SOX5: variants seen among roughly 807,000 people sequenced by gnomAD.
SOX5 encodes the protein SRY-box transcription factor 5.
Under a neutral mutation model 92.0 loss-of-function variants are expected in SOX5, and 9 were observed. That is an observed-to-expected ratio of 0.10 (90% CI 0.06 to 0.17). The LOEUF is 0.17. SOX5 is among the 10% of genes least tolerant of loss of function. The probability of loss-of-function intolerance (pLI) is 1.00; values close to 1 mark genes in which losing one functional copy is unlikely to be tolerated. For missense variants in SOX5, 642 were observed against 944.5 expected (o/e 0.68, Z 4.20); for synonymous variants, 344 against 336.3 (o/e 1.02, Z -0.25).
intron 7 of SOX5, among the ~76,000 whole-genome samples, chr12:23,651,018 A>G (rs1020937705): frequency 1.3e-5 from 2 of 152,046 alleles, no homozygotes; most frequent in African/African-American, 2.4e-5. Flanking sequence ...TAAAAGAAAA[A>G]AGAAAATATG....
In SOX5 at chr12:24,550,841, A is replaced by G. The variant is rs139349098; in HGVS notation, c.-251+11488T>C. On this transcript the variant is annotated intron_variant, in intron 1 of 4. Transcript: ENST00000446891. Reference sequence around the variant, plus strand: ...AATCTCCTTTTATTTCCAAAGCAGTATGCAGGGCTTGAGCCATGAGACACG... The same window carrying G: ...AATCTCCTTTTATTTCCAAAGCAGTGTGCAGGGCTTGAGCCATGAGACACG... Among the ~76,000 whole-genome samples, 14 of 152,346 alleles carry G rather than the reference A, an allele frequency of 9.2e-5. 1 individual carries two copies. The East Asian group carries it at 2.7e-3, about 29-fold the overall frequency.
chr12:24,229,050 A>G (rs1416083663), intron 3 of SOX5, among the ~76,000 whole-genome samples: 1 of 152,192 alleles, frequency 6.6e-6, no homozygotes, highest in African/African-American at 2.4e-5. Context: ...AACAATCCAT[A>G]TCCCCACTTT....
intron 4 of SOX5, among the ~76,000 whole-genome samples, chr12:24,118,203 G>C (rs1212719213): frequency 6.6e-6 from 1 of 152,018 alleles, no homozygotes; most frequent in African/African-American, 2.4e-5. Flanking sequence ...ATGGTGACCA[G>C]TTAGTTATCA....
chr12:24,131,278 T>C (rs1949623266), intron 4 of SOX5, among the ~76,000 whole-genome samples: 2 of 152,238 alleles, frequency 1.3e-5, no homozygotes, highest in South Asian at 4.1e-4. Flanking sequence ...CTCTGAGTTA[T>C]TAACTCTCCT....
At chr12:24,282,340 TA>T (rs1268996653) in intron 2 of SOX5, among the ~76,000 whole-genome samples, 7 of 151,710 alleles carry the variant, frequency 4.6e-5, no homozygotes, top group Non-Finnish European at 7.4e-5. Flanking sequence ...ACATGTACCC[TA>T]AAACTTAAAG....
At chr12:24,068,704 G>GTGTATA (rs1444359956) in intron 4 of SOX5, among the ~76,000 whole-genome samples, 101 of 74,256 alleles carry the variant, frequency 1.4e-3, no homozygotes, top group East Asian at 7.2e-3. Context: ...GTGTGTGTGT[G>GTGTATA]TATATATATA....
chr12:23,981,660 C>T (rs1484273511), intron 4 of SOX5, among the ~76,000 whole-genome samples: 4 of 152,078 alleles, frequency 2.6e-5, no homozygotes, highest in African/African-American at 9.7e-5. Context: ...AGCAAAGAAT[C>T]CTGAAAATAT....
At chr12:23,739,238 G>A (rs1209526274) in intron 5 of SOX5, among the ~76,000 whole-genome samples, 1 of 152,180 alleles carries the variant, frequency 6.6e-6, no homozygotes, top group African/African-American at 2.4e-5. Flanking sequence ...CCATGAAAAA[G>A]AGGGCCATAC....
intron 2 of SOX5, among the ~76,000 whole-genome samples, chr12:24,334,579 T>C (rs1370239504): frequency 6.6e-6 from 1 of 152,212 alleles, no homozygotes; most frequent in African/African-American, 2.4e-5. Flanking sequence ...TATTTTATAC[T>C]GCCAATGGAA....
intron 1 of SOX5, among the ~76,000 whole-genome samples, chr12:24,369,557 C>T (rs934017893): frequency 1.3e-5 from 2 of 152,230 alleles, no homozygotes; most frequent in African/African-American, 4.8e-5. Flanking sequence ...GTGAGGACAA[C>T]AGAAGCTCTG....
chr12:23,745,169 C>T (rs1452758853), intron 4 of SOX5, among the ~76,000 whole-genome samples: 1 of 152,086 alleles, frequency 6.6e-6, no homozygotes, highest in Non-Finnish European at 1.5e-5. Flanking sequence ...ATAAGAATGC[C>T]TTTTACGCAA....
At chr12:23,627,069 C>A (rs1041765553) in intron 8 of SOX5, among the ~76,000 whole-genome samples, 2 of 152,146 alleles carry the variant, frequency 1.3e-5, no homozygotes, top group African/African-American at 4.8e-5. Flanking sequence ...CCTAATTATT[C>A]ATTCTTGCTG....
At chr12:24,251,340 A>G (rs572830400) in intron 3 of SOX5, among the ~76,000 whole-genome samples, 2 of 152,310 alleles carry the variant, frequency 1.3e-5, no homozygotes, top group Non-Finnish European at 2.9e-5. Flanking sequence ...CATTTTACTG[A>G]TAAGATTCAG....
intron 6 of SOX5, among the ~76,000 whole-genome samples, chr12:23,727,724 T>C (rs1459149109): frequency 6.6e-6 from 1 of 152,122 alleles, no homozygotes; most frequent in Admixed American, 6.6e-5. Context: ...TTAAAGTTGA[T>C]AAGTCAGAAA....
At chr12:23,595,537 T>C (rs1336948030) in intron 9 of SOX5, among the ~76,000 whole-genome samples, 1 of 142,894 alleles carries the variant, frequency 7.0e-6, no homozygotes, top group East Asian at 2.0e-4. Flanking sequence ...GAGAATGGTG[T>C]GAACCCGGGA....
intron 1 of SOX5, among the ~76,000 whole-genome samples, chr12:23,934,689 G>T (rs1354838326): frequency 6.6e-6 from 1 of 150,930 alleles, no homozygotes; most frequent in Non-Finnish European, 1.5e-5. Context: ...AGTATTCTTA[G>T]AACTCTTTCT....
In SOX5 at chr12:23,736,332, G is replaced by A. The variant is rs1157920881; in HGVS notation, c.742-1580C>T. Among the ~76,000 whole-genome samples, 6 of 151,830 alleles carry A rather than the reference G, an allele frequency of 4.0e-5. No individual in the cohort carries two copies. The East Asian group carries it at 7.8e-4, about 20-fold the overall frequency. On this transcript the variant is annotated intron_variant, in intron 5 of 14. Coordinates refer to ENST00000451604, the MANE Select transcript of SOX5 (RefSeq NM_006940.6). Reference sequence around the variant, plus strand: ...AAAAAATTAGCCAGGCGTGGTGGCGGGCGCCTGTAGTCCCAGCTACTTGGG... The same window carrying A: ...AAAAAATTAGCCAGGCGTGGTGGCGAGCGCCTGTAGTCCCAGCTACTTGGG...
At chr12:24,039,861 T>C (rs1261927457) in intron 4 of SOX5, among the ~76,000 whole-genome samples, 5 of 152,192 alleles carry the variant, frequency 3.3e-5, no homozygotes, top group African/African-American at 9.7e-5. Context: ...CAAATGCCTA[T>C]TGTGTCCTAC....
rs1595425918 is a variant in SOX5 at position 24,307,518 on chromosome 12, G to GAAGTTAGTTTGTACTT, written c.-173-30207_-173-30206insAAGTACAAACTAACTT. ...GGAAGGAAGGAAGGAAGGAAGGAAG[G>GAAGTTAGTTTGTACTT]CCGGCCCCCCCACCCACCCACTCAC... On this transcript the variant is annotated intron_variant, in intron 2 of 4. Transcript: ENST00000446891. 1.0e-3 allele frequency among the ~76,000 whole-genome samples: 26 copies of GAAGTTAGTTTGTACTT among 25,930 alleles called. 1 individual carries two copies. The highest frequency in any genetic ancestry group is 1.8e-3 in the Non-Finnish European group (14 of 7,924). 17.0% of individuals were successfully genotyped at this position (25,930 alleles called of 152,430 possible). A position where few individuals can be genotyped will look rare whatever the true frequency, so the allele number is the denominator to read the frequency against.
Sources: allele counts gnomAD v4.1 joint callset (sites outside exome capture counted in the v4.1 genomes callset), GRCh38; gene constraint gnomAD v4.1.1; transcripts MANE v1.5; gene names NCBI Gene and HGNC (gene_info 2026-07-23, HGNC 2026-07-21).